Variants in EPG5 observed in about 807,000 individuals in gnomAD.
EPG5 encodes ectopic P granules protein 5 homolog.
In EPG5, 159 loss-of-function variants were observed where a neutral mutation model predicts 302.7. The ratio of observed to expected loss-of-function variants is 0.53; its 90% CI spans 0.46 to 0.60. The LOEUF is 0.60. Among genes scored for constraint, EPG5 ranks in the 20% least tolerant of loss-of-function variants. The probability of loss-of-function intolerance (pLI) is 0.00; values close to 1 mark genes in which losing one functional copy is unlikely to be tolerated. For missense variants in EPG5, 2,896 were observed against 3,092.4 expected, an observed-to-expected ratio of 0.94 and a Z score of 1.51; for synonymous variants, 1,158 against 1,136.8, an observed-to-expected ratio of 1.02 and a Z score of -0.37.
At chr18:45,959,092 T>C (rs2051091427) in intron 1 of EPG5, among the ~76,000 whole-genome samples, 1 of 152,218 alleles carries the variant, frequency 6.6e-6, no homozygotes, top group Admixed American at 6.5e-5. Context: ...ACACAGCTTG[T>C]TCTGTGTCAA....
the EPG5 span, chr18:45,825,627 C>A: frequency 7.7e-7 from 1 of 1,295,336 alleles, no homozygotes; most frequent in Non-Finnish European, 1.1e-6. Context: ...GAGTGCCCTG[C>A]CCACCCCCGC....
chr18:45,839,558 T>C, the EPG5 span, among the ~76,000 whole-genome samples: 3 of 152,056 alleles, frequency 2.0e-5, no homozygotes, highest in African/African-American at 4.8e-5. Context: ...CATTGCAATG[T>C]GCTATGAGAA....
In EPG5 at chr18:45,938,048, T is replaced by C. The variant is rs949504149; in HGVS notation, c.2099+1552A>G. On this transcript the variant is annotated intron_variant, in intron 10 of 43. Transcript: ENST00000282041. ...GATCAGAGAAGGAAGACTCCTCCCA[T>C]GCACCAGGCCAGCGTCAGTGGACAG... Among the ~76,000 whole-genome samples, 85 of 152,278 alleles carry C rather than the reference T, an allele frequency of 5.6e-4. 3 individuals are homozygous for C. Among genetic ancestry groups the C allele is most frequent in the Non-Finnish European group, 8.8e-5 (6 of 68,010 alleles).
intron 36 of EPG5, 43 bp from the exon 37 acceptor site, chr18:45,867,791 T>C: frequency 6.7e-7 from 1 of 1,497,776 alleles, no homozygotes; most frequent in Non-Finnish European, 9.1e-7. Context: ...CCTTGTGCTA[T>C]CTATGTATCT....
chr18:45,902,419 A>G (rs571678121), intron 25 of EPG5, among the ~76,000 whole-genome samples: 1 of 152,366 alleles, frequency 6.6e-6, no homozygotes, highest in South Asian at 2.1e-4. Context: ...ATGATGCTAA[A>G]GGAAAACTGG....
rs187630598 is a variant in EPG5 at position 45,914,522 on chromosome 18, A to G, written c.3694-694T>C. On this transcript the variant is annotated intron_variant, in intron 20 of 43. Transcript: ENST00000282041. Reference sequence around the variant, plus strand: ...AAAAATAATGCTGCTGCTGATGATAATAATAACAATGGCCAACACTCAGTG... The same window carrying G: ...AAAAATAATGCTGCTGCTGATGATAGTAATAACAATGGCCAACACTCAGTG... Among the ~76,000 whole-genome samples the G allele has an allele frequency of 3.0e-4, 46 of 152,384 alleles. No individual in the cohort carries two copies. The East Asian group carries it at 8.3e-3, about 27-fold the overall frequency.
chr18:45,832,027 C>T, the EPG5 span, among the ~76,000 whole-genome samples: 55 of 152,356 alleles, frequency 3.6e-4, no homozygotes, highest in Middle Eastern at 3.4e-3. Context: ...CCGCCACGCC[C>T]GGCCCAACAT....
At chr18:45,837,396 G>C in the EPG5 span, 2 of 1,351,536 alleles carry the variant, frequency 1.5e-6, no homozygotes, top group African/African-American at 3.0e-5. Context: ...CCTGAGTCCT[G>C]GGGTTTCCAG....
At chr18:45,911,084 C>T (rs2049885210) in intron 22 of EPG5, among the ~76,000 whole-genome samples, 1 of 137,804 alleles carries the variant, frequency 7.3e-6, no homozygotes, top group African/African-American at 2.9e-5. Context: ...TCTATACACA[C>T]ACACACACAC....
intron 37 of EPG5, among the ~76,000 whole-genome samples, chr18:45,867,212 GTATTGA>G (rs2048765576): frequency 6.6e-6 from 1 of 152,182 alleles, no homozygotes; most frequent in Non-Finnish European, 1.5e-5. Flanking sequence ...ATATTAAGAT[GTATTGA>G]GTATCTGGAA....
intron 17 of EPG5, 140 bp downstream of exon 17, chr18:45,917,539 G>T (rs2050060497): frequency 3.4e-6 from 3 of 873,886 alleles, no homozygotes; most frequent in Non-Finnish European, 5.5e-6. Flanking sequence ...ATTCTAAACT[G>T]GGGTGCAGAA....
chr18:45,840,389 CCA>C, the EPG5 span: 1 of 861,292 alleles, frequency 1.2e-6, no homozygotes, highest in Non-Finnish European at 1.7e-6. Flanking sequence ...TTGCAGCCCA[CCA>C]AGGCACCCCT....
chr18:45,935,097 T>G (rs555848939), intron 10 of EPG5, 131 bp from the exon 11 acceptor site: 1 of 938,138 alleles, frequency 1.1e-6, no homozygotes, highest in African/African-American at 1.7e-5. Flanking sequence ...GCTTTAGTCA[T>G]AAACACCTCA....
chr18:45,908,471 A>C (rs1377982683), intron 23 of EPG5, among the ~76,000 whole-genome samples: 1 of 152,212 alleles, frequency 6.6e-6, no homozygotes, highest in Non-Finnish European at 1.5e-5. Context: ...AAGCAAAAAT[A>C]ATACATTCAA....
chr18:45,954,086 T>G lies in EPG5; in HGVS notation c.1008+308A>C, dbSNP rs555934070. 2.0e-5 allele frequency: 5 copies of G among 255,706 alleles called. No homozygotes were observed. The East Asian group carries it at 5.3e-4, about 27-fold the overall frequency. 15.8% of individuals were successfully genotyped at this position (255,706 alleles called of 1,614,324 possible). A position where few individuals can be genotyped will look rare whatever the true frequency, so the allele number is the denominator to read the frequency against. ...AAATCTAGATTTCTAGTTTTTCTTG[T>G]AAAATCATAAGATGTGGCAATGCTG... is the stretch of plus-strand genomic sequence containing the variant. On this transcript the variant is annotated intron_variant, in intron 2 of 43. Coordinates refer to ENST00000282041, the MANE Select transcript of EPG5 (RefSeq NM_020964.3).
chr18:45,905,988 C>T (rs1215748400), intron 24 of EPG5, among the ~76,000 whole-genome samples: 1 of 152,264 alleles, frequency 6.6e-6, no homozygotes, highest in Non-Finnish European at 1.5e-5. Context: ...AGTCTTATTT[C>T]TCTGTGCGTT....
the EPG5 span, among the ~76,000 whole-genome samples, chr18:45,833,237 A>G: frequency 2.6e-5 from 4 of 152,204 alleles, no homozygotes; most frequent in Admixed American, 1.3e-4. Context: ...GTGGTTCTGC[A>G]AACCCCAGTT....
chr18:45,865,842 G>C (rs1337423964), intron 38 of EPG5, 83 bp from the exon 39 acceptor site: 46 of 1,425,236 alleles, frequency 3.2e-5, no homozygotes, highest in Non-Finnish European at 3.9e-5. Flanking sequence ...GCATGGCACT[G>C]CAATGAATGC....
At chr18:45,833,918 G>GA in the EPG5 span, among the ~76,000 whole-genome samples, 8,283 of 152,076 alleles carry the variant, frequency 0.054, 440 homozygotes, top group African/African-American at 0.13. Flanking sequence ...AGGAAATATG[G>GA]AAAAAAACCC....
Sources: gnomAD v4.1 joint callset for allele counts (sites outside exome capture counted in the v4.1 genomes callset) on GRCh38, gnomAD v4.1.1 for gene constraint, MANE v1.5 for transcripts, NCBI Gene and HGNC (gene_info 2026-07-23, HGNC 2026-07-21) for gene names.